The following CNNM2 variants were observed in gnomAD, a reference collection of about 807,000 sequenced individuals.
The protein encoded by CNNM2 is metal transporter CNNM2.
Under a neutral mutation model 66.9 loss-of-function variants are expected in CNNM2, and 12 were observed. The observed-to-expected ratio is 0.18, with a 90% confidence interval of 0.11 to 0.29. The LOEUF (loss-of-function observed/expected upper bound fraction) is 0.29. Among genes scored for constraint, CNNM2 ranks in the 10% least tolerant of loss-of-function variants. The pLI, the probability that CNNM2 is intolerant of heterozygous loss-of-function variation, is 1.00. For synonymous variants in CNNM2, 557 were observed against 501.8 expected (o/e 1.11, Z -1.47); for missense variants, 705 against 1,167.7 (o/e 0.60, Z 5.77).
rs12262503 is a variant in CNNM2 at position 103,000,728 on chromosome 10, T to C, written c.1622-48979T>C. Among the ~76,000 whole-genome samples, 46,871 of 151,924 alleles carry C rather than the reference T, an allele frequency of 0.31. 7,384 individuals carry two copies. Among genetic ancestry groups the C allele is most frequent in the Middle Eastern group, 0.37 (109 of 294 alleles). ...CCAAAGTGCTGGGATTACAGGTATG[T>C]ACTACCATGCCCAGCTAATTTTTGT... On this transcript the variant is annotated intron_variant, in intron 1 of 7. Transcript: ENST00000369878.
intron 1 of CNNM2, among the ~76,000 whole-genome samples, chr10:102,941,714 T>C (rs1433033609): frequency 6.6e-6 from 1 of 152,222 alleles, no homozygotes; most frequent in Non-Finnish European, 1.5e-5. Context: ...CATGGCAGTC[T>C]TACGATTCCA....
chr10:103,058,044 ATG>A (rs1337857576), intron 4 of CNNM2, among the ~76,000 whole-genome samples: 2 of 152,192 alleles, frequency 1.3e-5, no homozygotes, highest in African/African-American at 4.8e-5. Context: ...TGTTGTGTTC[ATG>A]TGTGACCCCA....
At chr10:102,978,042 T>C (rs915700637) in intron 1 of CNNM2, among the ~76,000 whole-genome samples, 3 of 151,918 alleles carry the variant, frequency 2.0e-5, no homozygotes, top group Non-Finnish European at 1.5e-5. Context: ...CCCAAGTAGC[T>C]GGGATTACAG....
chr10:102,927,220 C>T, intron 1 of CNNM2: 7 of 1,279,426 alleles, frequency 5.5e-6, no homozygotes, highest in Non-Finnish European at 7.7e-6. Context: ...AGTAAACTTT[C>T]AATTCATTAA....
chr10:102,994,288 A>G (rs1331343931), intron 1 of CNNM2, among the ~76,000 whole-genome samples: 1 of 152,196 alleles, frequency 6.6e-6, no homozygotes, highest in Non-Finnish European at 1.5e-5. Context: ...AGTTGCAGAC[A>G]TATAATTTAT....
chr10:102,965,345 G>A (rs2063446333), intron 1 of CNNM2, among the ~76,000 whole-genome samples: 1 of 152,136 alleles, frequency 6.6e-6, no homozygotes, highest in Admixed American at 6.6e-5. Flanking sequence ...AATTGGGCTG[G>A]CTTATAGTTC....
At position 102,918,837 on chromosome 10, in the gene CNNM2, C is replaced by G; in HGVS notation, c.357C>G (p.Ala119=). 6.3e-7 allele frequency: 1 copy of G among 1,589,030 alleles called. No individual in the cohort carries two copies. Among genetic ancestry groups the G allele is most frequent in the Non-Finnish European group, 8.6e-7 (1 of 1,167,886 alleles). The change falls in exon 1 of 8, where the codon GCC becomes GCG. Residue 119 remains alanine (A), a synonymous_variant. Transcript: ENST00000369878. The surrounding 1 kb of genome is among the most constrained non-coding windows in gnomAD (Gnocchi z 4.1). The part of the protein sequence containing the change: ...NINNETWSRI[A]FTEHERRRHS... ...ATAACGAGACGTGGTCCCGCATCGCCTTCACCGAGCACGAGCGGCGGCGCC... is the reference window on the plus strand; with the variant it reads ...ATAACGAGACGTGGTCCCGCATCGCGTTCACCGAGCACGAGCGGCGGCGCC...
Position 103,076,100 on chromosome 10 carries a change from C to A in CNNM2, c.2248C>A (p.Pro750Thr). Residue 750 changes from proline to threonine, a missense_variant, in exon 7 of 8, where the codon CCT becomes ACT. Physicochemically the swap from Pro to Thr is conservative, Grantham distance 38. Coordinates refer to ENST00000369878, the MANE Select transcript of CNNM2 (RefSeq NM_017649.5). Reference protein sequence around the residue: ...AAGSPGENKSPPRPCGLNHSD... With the variant: ...AAGSPGENKSTPRPCGLNHSD... The stretch of plus-strand genomic sequence containing the variant: ...TCCTTTTCCAGGTGAAAATAAGTCC[C>A]CTCCTCGCCCATGTGGCTTGAATCA... 1 of 1,610,732 alleles carries A rather than the reference C, an allele frequency of 6.2e-7. No homozygotes were observed. Among genetic ancestry groups the A allele is most frequent in the Non-Finnish European group, 8.5e-7 (1 of 1,177,908 alleles).
intron 1 of CNNM2, among the ~76,000 whole-genome samples, chr10:103,044,913 A>G (rs1226441531): frequency 6.6e-6 from 1 of 152,202 alleles, no homozygotes; most frequent in Non-Finnish European, 1.5e-5. Flanking sequence ...TGTCGGTGCT[A>G]TTGAGCTGGT....
At chr10:103,001,132 G>C (rs1564839907) in intron 1 of CNNM2, among the ~76,000 whole-genome samples, 2 of 152,186 alleles carry the variant, frequency 1.3e-5, no homozygotes, top group African/African-American at 4.8e-5. Flanking sequence ...ACTTAGATTA[G>C]TCAAAATTAT....
intron 1 of CNNM2, among the ~76,000 whole-genome samples, chr10:103,016,522 A>G (rs893431766): frequency 6.6e-6 from 1 of 151,038 alleles, no homozygotes; most frequent in African/African-American, 2.4e-5. Context: ...CCTTACATCT[A>G]CCCCCCACTT....
Position 103,089,008 on chromosome 10 carries a change from A to G in CNNM2, c.*11828A>G, listed in dbSNP as rs1022396673. Reference sequence around the variant, plus strand: ...GGTTGTTTTTGGATAACAAATAAGCATTTGTGCTATTAAACAAACAAAAGG... The same window carrying G: ...GGTTGTTTTTGGATAACAAATAAGCGTTTGTGCTATTAAACAAACAAAAGG... On this transcript the variant is annotated 3_prime_UTR_variant, in exon 8 of 8. Coordinates refer to ENST00000369878, the MANE Select transcript of CNNM2 (RefSeq NM_017649.5). 3.3e-5 allele frequency: 7 copies of G among 211,684 alleles called. No homozygotes were observed. Among genetic ancestry groups the G allele is most frequent in the Non-Finnish European group, 4.8e-5 (5 of 104,404 alleles). 13.1% of individuals were successfully genotyped at this position (211,684 alleles called of 1,614,324 possible).
chr10:102,964,490 A>G (rs1333340114), intron 1 of CNNM2, among the ~76,000 whole-genome samples: 1 of 152,142 alleles, frequency 6.6e-6, no homozygotes, highest in Non-Finnish European at 1.5e-5. Context: ...CGGCCTCCGA[A>G]AGAGCTGGGG....
chr10:102,960,622 T>G (rs1416159202), intron 1 of CNNM2, among the ~76,000 whole-genome samples: 1 of 152,104 alleles, frequency 6.6e-6, no homozygotes, highest in Non-Finnish European at 1.5e-5. Flanking sequence ...TTTTATTACT[T>G]TACTTTGTTT....
intron 1 of CNNM2, among the ~76,000 whole-genome samples, chr10:103,030,141 C>T (rs1015109583): frequency 7.2e-5 from 11 of 152,138 alleles, no homozygotes; most frequent in Non-Finnish European, 1.6e-4. Flanking sequence ...AATGTATGCT[C>T]TTGGATGGAA....
intron 1 of CNNM2, among the ~76,000 whole-genome samples, chr10:103,002,756 G>A (rs1275254109): frequency 1.3e-5 from 2 of 152,098 alleles, no homozygotes; most frequent in African/African-American, 2.4e-5. Flanking sequence ...AGGGATTACA[G>A]GCGTGAGCCA....
intron 1 of CNNM2, among the ~76,000 whole-genome samples, chr10:102,926,634 C>T (rs1419634941): frequency 1.3e-5 from 2 of 152,076 alleles, no homozygotes; most frequent in Admixed American, 6.5e-5. Context: ...CAGCCTCGAC[C>T]TCCCAGGTTC....
Position 103,049,588 on chromosome 10 carries a change from G to A in CNNM2, c.1622-119G>A, listed in dbSNP as rs991167759. On this transcript the variant is annotated intron_variant, in intron 1 of 7. Coordinates refer to ENST00000369878, the MANE Select transcript of CNNM2 (RefSeq NM_017649.5). ...TGTCTCAGTACCATTTTAAAATGCT[G>A]AAACAGAGATTTTGATAATTCGACA... 4 of 991,886 alleles carry A rather than the reference G, an allele frequency of 4.0e-6. No homozygotes were observed. The East Asian group carries it at 7.2e-5, about 18-fold the overall frequency. The allele number at this position is 991,886 out of a possible 1,614,324, so 61.4% of individuals were successfully genotyped here.
chr10:103,008,085 G>C (rs1590385768), intron 1 of CNNM2, among the ~76,000 whole-genome samples: 2 of 151,536 alleles, frequency 1.3e-5, no homozygotes, highest in Non-Finnish European at 2.9e-5. Flanking sequence ...AGTAGAGTTT[G>C]TGTTCTGGAT....
Sources: gnomAD v4.1 joint callset for allele counts (sites outside exome capture counted in the v4.1 genomes callset) on GRCh38, gnomAD v4.1.1 for gene constraint, Gnocchi (gnomAD v3.1) non-coding constraint, MANE v1.5 for transcripts, NCBI Gene and HGNC (gene_info 2026-07-23, HGNC 2026-07-21) for gene names.